Variants in CPA6 observed in about 807,000 individuals in gnomAD.
The protein encoded by CPA6 is carboxypeptidase B.
Under a neutral mutation model 63.3 loss-of-function variants are expected in CPA6, and 58 were observed. The observed-to-expected ratio is 0.92, with a 90% CI of 0.74 to 1.14. The LOEUF (loss-of-function observed/expected upper bound fraction) is 1.14. Among genes scored for constraint, CPA6 ranks in the 50% most tolerant of loss-of-function variants. The probability of loss-of-function intolerance (pLI) is 0.00; values close to 1 mark genes in which losing one functional copy is unlikely to be tolerated. For missense variants in CPA6, 565 were observed against 526.6 expected (o/e 1.07, Z -0.71); for synonymous variants, 185 against 179.0 (o/e 1.03, Z -0.27).
chr8:67,544,749 A>G (rs1003186253), intron 2 of CPA6, among the ~76,000 whole-genome samples: 4 of 152,164 alleles, frequency 2.6e-5, no homozygotes, highest in African/African-American at 4.8e-5. Flanking sequence ...TCTGCCATAT[A>G]TATATCTTTC....
At chr8:67,613,942 C>T (rs867667953) in intron 2 of CPA6, among the ~76,000 whole-genome samples, 45 of 152,152 alleles carry the variant, frequency 3.0e-4, no homozygotes, top group African/African-American at 1.1e-3. Flanking sequence ...GCTGGTGGGT[C>T]GTCGGAGAGG....
chr8:67,614,081 T>C (rs1814878525), intron 2 of CPA6, among the ~76,000 whole-genome samples: 1 of 152,136 alleles, frequency 6.6e-6, no homozygotes, highest in Non-Finnish European at 1.5e-5. Context: ...GGGCAAGAGC[T>C]CGAGATACAG....
intron 10 of CPA6, among the ~76,000 whole-genome samples, chr8:67,423,489 G>A (rs1809813983): frequency 6.6e-6 from 1 of 152,148 alleles, no homozygotes; most frequent in African/African-American, 2.4e-5. Flanking sequence ...TCCGTTTTCT[G>A]GTAGTTTCAT....
At chr8:67,535,466 A>T (rs1812565278) in intron 2 of CPA6, among the ~76,000 whole-genome samples, 1 of 152,202 alleles carries the variant, frequency 6.6e-6, no homozygotes, top group South Asian at 2.1e-4. Flanking sequence ...AGTGATGATG[A>T]GATGAGCTTT....
At chr8:67,438,355 A>G (rs547374356) in intron 8 of CPA6, among the ~76,000 whole-genome samples, 5 of 152,368 alleles carry the variant, frequency 3.3e-5, no homozygotes, top group Non-Finnish European at 1.5e-5. Context: ...GAGAAAAAGC[A>G]GGTCATTTAG....
chr8:67,607,219 CTTCTTCTTCTTCTTCTTCTTCTTCTT>C lies in CPA6; in HGVS notation c.192+16931_192+16956del, dbSNP rs1564021363. Among the ~76,000 whole-genome samples, 24 of 108,712 alleles carry C rather than the reference CTTCTTCTTCTTCTTCTTCTTCTTCTT, an allele frequency of 2.2e-4. 3 individuals are homozygous for C. Among genetic ancestry groups the C allele is most frequent in the African/African-American group, 9.0e-4 (24 of 26,806 alleles). 71.3% of individuals were successfully genotyped at this position (108,712 alleles called of 152,430 possible). A position where few individuals can be genotyped will look rare whatever the true frequency, so the allele number is the denominator to read the frequency against. ...TCTTCTTCTTCTTCTTCTTCTTCTTCTTCTTCTTCTTCTTCTTCTTCTTCTTCTTCTTCTCCTCCTCCTCCTTTCTT... is the reference window on the plus strand; with the variant it reads ...TCTTCTTCTTCTTCTTCTTCTTCTTCCTTCTTCTCCTCCTCCTCCTTTCTT... On this transcript the variant is annotated intron_variant, in intron 2 of 10. Coordinates refer to ENST00000297770, the MANE Select transcript of CPA6 (RefSeq NM_020361.5).
chr8:67,500,780 A>G (rs1004997239), intron 6 of CPA6, among the ~76,000 whole-genome samples: 1 of 150,534 alleles, frequency 6.6e-6, no homozygotes, highest in Non-Finnish European at 1.5e-5. Flanking sequence ...TTTTTTTGCA[A>G]TGAATATCCA....
chr8:67,522,032 G>C (rs1359151180), intron 2 of CPA6, among the ~76,000 whole-genome samples: 2 of 152,176 alleles, frequency 1.3e-5, no homozygotes, highest in African/African-American at 4.8e-5. Context: ...GGCAGACAGG[G>C]ACAGGTACCC....
At chr8:67,468,628 AT>A (rs771387511) in intron 8 of CPA6, among the ~76,000 whole-genome samples, 2 of 141,662 alleles carry the variant, frequency 1.4e-5, no homozygotes, top group East Asian at 2.0e-4. Flanking sequence ...AAATAAAATA[AT>A]AATAATAAGA....
At chr8:67,662,269 A>G (rs1369706051) in intron 1 of CPA6, among the ~76,000 whole-genome samples, 2 of 152,084 alleles carry the variant, frequency 1.3e-5, no homozygotes, top group South Asian at 2.1e-4. Flanking sequence ...GTGACAAGAA[A>G]CCTACAGTCT....
intron 1 of CPA6, among the ~76,000 whole-genome samples, chr8:67,668,064 C>T (rs141145103): frequency 3.9e-5 from 6 of 152,348 alleles, no homozygotes; most frequent in Admixed American, 1.3e-4. Context: ...TCACTTATTA[C>T]TAAAAGTGTC....
intron 5 of CPA6, among the ~76,000 whole-genome samples, chr8:67,507,307 A>G (rs1240860953): frequency 6.6e-6 from 1 of 152,108 alleles, no homozygotes; most frequent in Non-Finnish European, 1.5e-5. Flanking sequence ...TAAAAAGCTA[A>G]GTCCTCCCTC....
At chr8:67,699,881 G>T (rs571818128) in intron 1 of CPA6, among the ~76,000 whole-genome samples, 1 of 152,244 alleles carries the variant, frequency 6.6e-6, no homozygotes, top group Admixed American at 6.5e-5. Flanking sequence ...GAGCCACCAC[G>T]CCCGGCCATG....
intron 2 of CPA6, among the ~76,000 whole-genome samples, chr8:67,595,305 C>T (rs1267286798): frequency 2.0e-5 from 3 of 152,178 alleles, no homozygotes; most frequent in Non-Finnish European, 4.4e-5. Flanking sequence ...GGGGTGCCTC[C>T]CCATTAGGCT....
At chr8:67,507,215 G>A (rs954790537) in intron 5 of CPA6, among the ~76,000 whole-genome samples, 6 of 151,774 alleles carry the variant, frequency 4.0e-5, no homozygotes, top group Admixed American at 2.6e-4. Flanking sequence ...ATGTTGCCAA[G>A]GCTGGTCTTG....
At chr8:67,712,994 ATAAAT>A (rs914429173) in intron 1 of CPA6, among the ~76,000 whole-genome samples, 2 of 150,932 alleles carry the variant, frequency 1.3e-5, no homozygotes, top group African/African-American at 4.9e-5. Context: ...GATTAAAATA[ATAAAT>A]TATTCTATTT....
At chr8:67,499,372 T>C (rs958597681) in intron 6 of CPA6, among the ~76,000 whole-genome samples, 2 of 152,198 alleles carry the variant, frequency 1.3e-5, no homozygotes, top group African/African-American at 4.8e-5. Flanking sequence ...GAGAAGCACC[T>C]GGTTCCAAAG....
At chr8:67,687,368 C>G (rs541941425) in intron 1 of CPA6, among the ~76,000 whole-genome samples, 1 of 152,116 alleles carries the variant, frequency 6.6e-6, no homozygotes, top group Non-Finnish European at 1.5e-5. Context: ...TGTGTGGAGT[C>G]ATTATCTGAT....
intron 2 of CPA6, among the ~76,000 whole-genome samples, chr8:67,578,693 A>G (rs1041120701): frequency 2.0e-5 from 3 of 152,214 alleles, no homozygotes. Context: ...AGTTACTTGC[A>G]TTTTCAAGAA....
Sources: gnomAD v4.1 joint callset for allele counts (sites outside exome capture counted in the v4.1 genomes callset) on GRCh38, gnomAD v4.1.1 for gene constraint, MANE v1.5 for transcripts, NCBI Gene and HGNC (gene_info 2026-07-23, HGNC 2026-07-21) for gene names.